ANO1: variants seen among roughly 807,000 people sequenced by gnomAD.
ANO1 encodes anoctamin-1.
Under a neutral mutation model 124.0 loss-of-function variants are expected in ANO1, and 59 were observed. The ratio of observed to expected loss-of-function variants is 0.48; its 90% CI spans 0.39 to 0.59. The LOEUF (loss-of-function observed/expected upper bound fraction) is 0.59, where lower values mean the gene tolerates loss of function less well. ANO1 is among the 20% of genes least tolerant of loss of function. The probability of loss-of-function intolerance (pLI) is 0.00; values close to 1 mark genes in which losing one functional copy is unlikely to be tolerated. For missense variants in ANO1, 1,059 were observed against 1,328.0 expected (o/e 0.80, Z 3.15); for synonymous variants, 529 against 532.0 (o/e 0.99, Z 0.08).
At chr11:70,177,106 C>T (rs112145911) in intron 22 of ANO1, among the ~76,000 whole-genome samples, 64 of 152,350 alleles carry the variant, frequency 4.2e-4, no homozygotes, top group African/African-American at 1.4e-3. Context: ...CCTGTTGTCT[C>T]TCTGGGCCGG....
rs977469223 is a variant in ANO1 at position 70,000,176 on chromosome 11, A to G, written c.58+14010A>G. On this transcript the variant is annotated intron_variant, in intron 1 of 27. Transcript: ENST00000531349. ...TAGCTACCCAAAATGAGCCCTTGGG[A>G]AAAAAAATGAACGGAGAGGTTTTCT... Among the ~76,000 whole-genome samples the G allele has an allele frequency of 1.2e-4, 19 of 152,128 alleles. 1 individual carries two copies. The highest frequency in any genetic ancestry group is 3.4e-3 in the Middle Eastern group (1 of 294).
At position 70,152,462 on chromosome 11, in the gene ANO1, G is replaced by T; in HGVS notation, c.1353+1G>T. ...TGGTTCCCTGAAGGAGGCTGTCAAG[G>T]TTTGGAACTTTTTGTCGCTCCTCTA... On this transcript the variant is annotated splice_donor_variant, in intron 13 of 25. Transcript: ENST00000355303. LOFTEE classifies it high-confidence loss of function. 5 of 1,612,892 alleles carry T rather than the reference G, an allele frequency of 3.1e-6. No homozygotes were observed. Among genetic ancestry groups the T allele is most frequent in the Non-Finnish European group, 3.4e-6 (4 of 1,179,384 alleles).
chr11:70,168,824 C>T (rs982955898), intron 21 of ANO1, among the ~76,000 whole-genome samples: 2 of 152,306 alleles, frequency 1.3e-5, no homozygotes, highest in African/African-American at 4.8e-5. Context: ...CTGCCGTCTG[C>T]CCCTCCTGTT....
chr11:70,081,777 T>C (rs553527499), intron 1 of ANO1, among the ~76,000 whole-genome samples: 1 of 152,330 alleles, frequency 6.6e-6, no homozygotes, highest in South Asian at 2.1e-4. Context: ...AAGGGGTTCA[T>C]AGAGGCAGGT....
intron 18 of ANO1, among the ~76,000 whole-genome samples, chr11:70,162,729 G>T (rs1474610997): frequency 6.6e-6 from 1 of 152,166 alleles, no homozygotes; most frequent in Admixed American, 6.5e-5. Context: ...GGGTCCCAGG[G>T]CCCCGCCAAG....
Position 70,126,136 on chromosome 11 carries a change from C to T in ANO1, c.1038C>T (p.Ser346=). 1 of 1,613,780 alleles carries T rather than the reference C, an allele frequency of 6.2e-7. No homozygotes were observed. The highest frequency in any genetic ancestry group is 1.1e-5 in the South Asian group (1 of 90,998). Reference sequence around the variant, plus strand: ...ACACCCAGATGCTCATCCCTGCCTCCATCGTGGGAATCATTGTCTTCCTGT... The same window carrying T: ...ACACCCAGATGCTCATCCCTGCCTCTATCGTGGGAATCATTGTCTTCCTGT... ...GVYTQMLIPA[S]IVGIIVFLYG... The change falls in exon 10 of 26, where the codon TCC becomes TCT. Residue 346 remains serine (S), a synonymous_variant. Coordinates refer to ENST00000355303, the MANE Select transcript of ANO1 (RefSeq NM_018043.7).
In ANO1 at chr11:70,163,268, C is replaced by T. The variant is rs370916136; in HGVS notation, c.1893-15C>T. ...GGGCTCATCTTTTCTCTAACGACCT[C>T]CCCCATCGTTTCAGGTTTGTTGGAC... On this transcript the variant is annotated splice_polypyrimidine_tract_variant and intron_variant, in intron 18 of 25. Transcript: ENST00000355303. The T allele has an allele frequency of 1.9e-4, 314 of 1,612,546 alleles. 2 individuals carry two copies. In the South Asian group the frequency reaches 2.4e-3, roughly 12 times the overall value.
intron 11 of ANO1, among the ~76,000 whole-genome samples, chr11:70,147,087 G>A (rs865904162): frequency 6.6e-6 from 1 of 152,256 alleles, no homozygotes; most frequent in Admixed American, 6.5e-5. Flanking sequence ...GGGTAAACAG[G>A]CCAACTCTGC....
At chr11:70,105,228 C>G (rs1221990326) in intron 4 of ANO1, among the ~76,000 whole-genome samples, 2 of 152,178 alleles carry the variant, frequency 1.3e-5, no homozygotes, top group African/African-American at 4.8e-5. Flanking sequence ...GCAGGGAGAG[C>G]AGGGAGTGTG....
chr11:70,014,322 C>T (rs1468104761), intron 1 of ANO1, among the ~76,000 whole-genome samples: 1 of 150,562 alleles, frequency 6.6e-6, no homozygotes, highest in Non-Finnish European at 1.5e-5. Context: ...CCCCACTCCC[C>T]GCCCCTGAGC....
intron 1 of ANO1, among the ~76,000 whole-genome samples, chr11:70,005,505 G>A (rs1029256032): frequency 2.0e-5 from 3 of 152,144 alleles, no homozygotes; most frequent in Non-Finnish European, 2.9e-5. Context: ...TGCAATCTCC[G>A]CTCCTCTGTG....
At chr11:70,124,492 C>T (rs768133253) in intron 9 of ANO1, 78 bp downstream of exon 9, 45 of 1,444,646 alleles carry the variant, frequency 3.1e-5, no homozygotes, top group South Asian at 4.7e-5. Flanking sequence ...GGGTTTCAAC[C>T]GCTCTGAATG....
At chr11:70,183,302 C>T (rs1469053038) in intron 24 of ANO1, among the ~76,000 whole-genome samples, 1 of 152,176 alleles carries the variant, frequency 6.6e-6, no homozygotes, top group Non-Finnish European at 1.5e-5. Flanking sequence ...GAAAAGGATC[C>T]CTAGCAGCTC....
In ANO1 at chr11:70,163,352, T is replaced by G; in HGVS notation, c.1950+12T>G. 6.2e-7 allele frequency: 1 copy of G among 1,613,876 alleles called. No homozygotes were observed. On this transcript the variant is annotated intron_variant, in intron 19 of 25. Transcript: ENST00000355303. ...TCCGAATGGAAGAGGTAACCGAAAT[T>G]TTATTCATCTCTGGCAGCCCCTTCT...
chr11:70,134,244 G>A (rs1395270883), intron 11 of ANO1, among the ~76,000 whole-genome samples: 1 of 152,168 alleles, frequency 6.6e-6, no homozygotes, highest in Non-Finnish European at 1.5e-5. Flanking sequence ...GGGACCCCTG[G>A]GCCTGTGCAG....
intron 8 of ANO1, among the ~76,000 whole-genome samples, chr11:70,116,739 C>T (rs988476729): frequency 2.0e-5 from 3 of 152,178 alleles, no homozygotes; most frequent in Non-Finnish European, 4.4e-5. Context: ...GGCAGGTGAC[C>T]GTGAGCATGG....
the ANO1 span, among the ~76,000 whole-genome samples, chr11:69,979,535 A>G: frequency 6.6e-6 from 1 of 152,312 alleles, no homozygotes; most frequent in Admixed American, 6.5e-5. Context: ...TAAAAATAAT[A>G]AAGTGGATAT....
intron 1 of ANO1, among the ~76,000 whole-genome samples, chr11:70,034,963 C>T (rs560834299): frequency 6.6e-6 from 1 of 151,900 alleles, no homozygotes; most frequent in East Asian, 1.9e-4. Flanking sequence ...AGGGGCAGAA[C>T]AACAGGATCT....
chr11:70,076,620 A>C (rs948900386), upstream of ANO1, among the ~76,000 whole-genome samples: 1 of 152,168 alleles, frequency 6.6e-6, no homozygotes, highest in African/African-American at 2.4e-5. Flanking sequence ...TGGACACTTG[A>C]ACTTTTAAGG....
Sources: gnomAD v4.1 joint callset for allele counts (sites outside exome capture counted in the v4.1 genomes callset) on GRCh38, gnomAD v4.1.1 for gene constraint, MANE v1.5 for transcripts, NCBI Gene and HGNC (gene_info 2026-07-23, HGNC 2026-07-21) for gene names.